The following RBM46 variants were observed in gnomAD, a reference collection of about 807,000 sequenced individuals.
The protein encoded by RBM46 is probable RNA-binding protein 46.
Under a neutral mutation model 43.3 loss-of-function variants are expected in RBM46, and 12 were observed. The ratio of observed to expected loss-of-function variants is 0.28; its 90% CI spans 0.18 to 0.45. The LOEUF (loss-of-function observed/expected upper bound fraction) is 0.45, where lower values mean the gene tolerates loss of function less well. Ranked by LOEUF, RBM46 falls within the 20% of genes least tolerant of loss-of-function variation. The pLI is 1.00. For missense variants in RBM46, 412 were observed against 639.1 expected, an observed-to-expected ratio of 0.64 and a Z score of 3.83; for synonymous variants, 205 against 207.6, an observed-to-expected ratio of 0.99 and a Z score of 0.11.
In RBM46 at chr4:154,799,131, T is replaced by A. The variant is rs776326863; in HGVS notation, c.969T>A (p.Ile323=). 6 of 1,614,084 alleles carry A rather than the reference T, an allele frequency of 3.7e-6. No individual in the cohort carries two copies. Among genetic ancestry groups the A allele is most frequent in the Non-Finnish European group, 5.1e-6 (6 of 1,180,006 alleles). The change falls in exon 4 of 5, where the codon ATT becomes ATA. Residue 323 remains isoleucine (I), a synonymous_variant. Transcript: ENST00000281722. ...GGAGACAGCATCTTAATGGTCAGAT[T>A]AGTCCAAATTCTGAAAATCTGATTG... ...NTWRQHLNGQ[I]SPNSENLIVF...
intron 1 of RBM46, among the ~76,000 whole-genome samples, chr4:154,793,385 T>C (rs1403351673): frequency 6.6e-6 from 1 of 152,226 alleles, no homozygotes; most frequent in Non-Finnish European, 1.5e-5. Flanking sequence ...TTTTTAGTAA[T>C]TATGAAGTAT....
At position 154,799,232 on chromosome 4, in the gene RBM46, A is replaced by G. The variant is rs1378057799; in HGVS notation, c.1070A>G (p.Gln357Arg). Residue 357 changes from glutamine to arginine, a missense_variant, in exon 4 of 5, where the codon CAG (glutamine) becomes CGG (arginine). Gln to Arg is a conservative substitution (Grantham distance 43, BLOSUM62 1). Around this residue, in one of 8 missense-constraint regions of RBM46, gnomAD observed 105 missense variants for 111.0 expected, o/e 0.95. Transcript: ENST00000281722. ...LPTLPARLNG[Q>R]HSPSPPEVER... ...ACTCTTCCTGCTCGTCTCAATGGTC[A>G]GCATAGCCCAAGTCCGCCTGAAGTT... The G allele has an allele frequency of 6.2e-7, 1 of 1,614,094 alleles. No individual in the cohort carries two copies. Among genetic ancestry groups the G allele is most frequent in the Admixed American group, 1.7e-5 (1 of 60,012 alleles).
chr4:154,811,698 T>TGA (rs998876919), intron 4 of RBM46, among the ~76,000 whole-genome samples: 15 of 149,954 alleles, frequency 1.0e-4, no homozygotes, highest in African/African-American at 3.2e-4. Context: ...TGTGTGTGTG[T>TGA]GTGACAGAGT....
chr4:154,788,668 C>T (rs2111096642), intron 1 of RBM46, among the ~76,000 whole-genome samples: 1 of 152,250 alleles, frequency 6.6e-6, no homozygotes. Flanking sequence ...GCAATGTAGG[C>T]TCTTGTTTGG....
chr4:154,810,981 T>C (rs1212731945), intron 4 of RBM46, among the ~76,000 whole-genome samples: 1 of 152,236 alleles, frequency 6.6e-6, no homozygotes, highest in African/African-American at 2.4e-5. Flanking sequence ...TGTTAAAATG[T>C]GTTCCTTCAA....
At chr4:154,781,551 G>A (rs1031127333) in intron 1 of RBM46, 115 bp downstream of exon 1, 2 of 152,660 alleles carry the variant, frequency 1.3e-5, no homozygotes, top group African/African-American at 4.8e-5. Flanking sequence ...GTGGCTGCGG[G>A]GTTCACCCTC....
intron 4 of RBM46, among the ~76,000 whole-genome samples, chr4:154,806,913 G>C (rs1734934460): frequency 6.6e-6 from 1 of 151,750 alleles, no homozygotes; most frequent in Admixed American, 6.6e-5. Context: ...ATTAACTGAT[G>C]AAGGTGATCC....
intron 1 of RBM46, among the ~76,000 whole-genome samples, chr4:154,794,362 A>G (rs973255359): frequency 1.3e-5 from 2 of 151,448 alleles, no homozygotes; most frequent in Non-Finnish European, 2.9e-5. Flanking sequence ...TTCTATTTTT[A>G]CTAGAGACGG....
chr4:154,799,937 A>G (rs1372698923), intron 4 of RBM46, among the ~76,000 whole-genome samples: 1 of 151,512 alleles, frequency 6.6e-6, no homozygotes, highest in African/African-American at 2.4e-5. Context: ...TTTTTTGGCT[A>G]ATTTTTTGTA....
intron 4 of RBM46, among the ~76,000 whole-genome samples, chr4:154,825,467 T>A (rs1057275393): frequency 2.6e-5 from 4 of 152,168 alleles, no homozygotes; most frequent in African/African-American, 9.7e-5. Flanking sequence ...TAGTAAAAAA[T>A]TTTATTTTTG....
chr4:154,828,368 ATG>A lies in RBM46; in HGVS notation c.*303_*304del, dbSNP rs1297247966. ...AGTGGGCAATAGAACCTAGTCATTT[ATG>A]TTTTTTTTTTTTTTTGCATAATTTT... is the stretch of plus-strand genomic sequence containing the variant. On this transcript the variant is annotated 3_prime_UTR_variant, in exon 5 of 5. Coordinates refer to ENST00000281722, the MANE Select transcript of RBM46 (RefSeq NM_144979.5). 2.6e-5 allele frequency: 5 copies of A among 194,198 alleles called. No homozygotes were observed. The East Asian group carries it at 4.2e-4, about 16-fold the overall frequency. 12.0% of individuals were successfully genotyped at this position (194,198 alleles called of 1,614,324 possible).
intron 1 of RBM46, among the ~76,000 whole-genome samples, chr4:154,783,035 T>C (rs1733578806): frequency 6.6e-6 from 1 of 152,206 alleles, no homozygotes; most frequent in South Asian, 2.1e-4. Context: ...GGTCTAATAA[T>C]AGACTTGTTT....
Position 154,798,865 on chromosome 4 carries a change from G to A in RBM46, c.703G>A (p.Val235Ile). Reference protein sequence around the residue: ...KEVDEETMQRVKVLYVRNLMI... With the variant: ...KEVDEETMQRIKVLYVRNLMI... ...GGTGGATGAGGAAACCATGCAGAGA[G>A]TTAAAGTTCTTTATGTAAGAAATTT... Residue 235 changes from valine (V) to isoleucine (I), a missense_variant, in exon 4 of 5, where the codon GTT (valine) becomes ATT (isoleucine). This residue lies in a region of RBM46 where 54 missense variants were observed against 102.5 expected (regional missense o/e 0.53). Coordinates refer to ENST00000281722, the MANE Select transcript of RBM46 (RefSeq NM_144979.5). 6.2e-7 allele frequency: 1 copy of A among 1,606,638 alleles called. No individual in the cohort carries two copies. Among genetic ancestry groups the A allele is most frequent in the Non-Finnish European group, 8.5e-7 (1 of 1,175,942 alleles).
intron 1 of RBM46, among the ~76,000 whole-genome samples, chr4:154,783,602 T>C (rs1434387674): frequency 1.3e-5 from 2 of 152,260 alleles, no homozygotes; most frequent in Non-Finnish European, 2.9e-5. Flanking sequence ...GTGTAAGGAA[T>C]GGTGTACTTA....
At chr4:154,785,867 G>A (rs1034037572) in intron 1 of RBM46, among the ~76,000 whole-genome samples, 1 of 152,038 alleles carries the variant, frequency 6.6e-6, no homozygotes, top group Non-Finnish European at 1.5e-5. Context: ...TTTACTTTTG[G>A]TTTTCTTGTC....
rs1365473785 is a variant in RBM46, at chr4:154,799,136, C to T, written c.974C>T (p.Pro325Leu). The T allele has an allele frequency of 1.2e-6, 2 of 1,613,948 alleles. No homozygotes were observed. The highest frequency in any genetic ancestry group is 1.7e-6 in the Non-Finnish European group (2 of 1,179,966). Reference protein sequence around the residue: ...WRQHLNGQISPNSENLIVFAN... With the variant: ...WRQHLNGQISLNSENLIVFAN... ...CAGCATCTTAATGGTCAGATTAGTC[C>T]AAATTCTGAAAATCTGATTGTGTTT... Residue 325 changes from proline (P) to leucine (L), a missense_variant, in exon 4 of 5, where the codon CCA (proline) becomes CTA (leucine). Transcript: ENST00000281722.
chr4:154,805,621 G>T (rs1734870951), intron 4 of RBM46, among the ~76,000 whole-genome samples: 2 of 151,894 alleles, frequency 1.3e-5, no homozygotes, highest in East Asian at 3.9e-4. Context: ...ATTGTGAGAA[G>T]TTTTAATCTG....
At chr4:154,817,072 G>T (rs796389905) in intron 4 of RBM46, among the ~76,000 whole-genome samples, 2 of 141,966 alleles carry the variant, frequency 1.4e-5, no homozygotes, top group African/African-American at 6.2e-5. Flanking sequence ...AAATTCATTT[G>T]TTTTTTTTAG....
intron 4 of RBM46, among the ~76,000 whole-genome samples, chr4:154,813,143 T>A (rs1306490738): frequency 2.0e-5 from 3 of 152,038 alleles, no homozygotes; most frequent in African/African-American, 7.2e-5. Context: ...AGATAAAGAT[T>A]ACAAGGAAAG....
Sources: allele counts gnomAD v4.1 joint callset (sites outside exome capture counted in the v4.1 genomes callset), GRCh38; gene constraint gnomAD v4.1.1; regional missense constraint gnomAD v4.1.1; transcripts MANE v1.5; gene names NCBI Gene and HGNC (gene_info 2026-07-23, HGNC 2026-07-21).